RIT2: variants seen among roughly 807,000 people sequenced by gnomAD.
RIT2 encodes the protein Ras like without CAAX 2.
A neutral mutation model predicts 23.7 loss-of-function variants in RIT2; 24 were observed. That is an observed-to-expected ratio of 1.01 (90% CI 0.73 to 1.43). The LOEUF (loss-of-function observed/expected upper bound fraction) is 1.43, where lower values mean the gene tolerates loss of function less well. RIT2 is among the 40% of genes most tolerant of loss of function. The pLI is 0.00. For missense variants in RIT2, 236 were observed against 266.9 expected (o/e 0.88, Z 0.81); for synonymous variants, 107 against 91.1 (o/e 1.17, Z -0.99).
chr18:43,077,425 A>ATT (rs139527586), intron 1 of RIT2, among the ~76,000 whole-genome samples: 5 of 151,284 alleles, frequency 3.3e-5, no homozygotes, highest in East Asian at 3.9e-4. Context: ...TTTCTTGAAC[A>ATT]TTTTTTTTTG....
intron 4 of RIT2, among the ~76,000 whole-genome samples, chr18:42,778,660 C>A (rs1405634807): frequency 6.8e-6 from 1 of 147,948 alleles, no homozygotes; most frequent in Non-Finnish European, 1.5e-5. Context: ...ATTACCAGCT[C>A]TATTACCCAC....
intron 2 of RIT2, among the ~76,000 whole-genome samples, chr18:43,006,296 AGAAGAAGAAAGAAG>A (rs1911227083): frequency 6.6e-6 from 1 of 151,620 alleles, no homozygotes; most frequent in African/African-American, 2.4e-5. Context: ...ATAAGTAAGT[AGAAGAAGAAAGAAG>A]GAAGAAGAAG....
At chr18:43,080,907 T>C (rs1451095812) in intron 1 of RIT2, among the ~76,000 whole-genome samples, 1 of 152,164 alleles carries the variant, frequency 6.6e-6, no homozygotes, top group African/African-American at 2.4e-5. Context: ...ACTAGGACAC[T>C]TTTGAGGATG....
At chr18:43,051,559 T>C (rs372534066) in intron 1 of RIT2, among the ~76,000 whole-genome samples, 3 of 152,098 alleles carry the variant, frequency 2.0e-5, no homozygotes, top group Non-Finnish European at 4.4e-5. Flanking sequence ...ATTGGACATG[T>C]GTGTCTAGAG....
rs551988618 is a variant in RIT2, at chr18:42,991,625, G to A, written c.161-17478C>T. Among the ~76,000 whole-genome samples the A allele has an allele frequency of 5.6e-5, 8 of 144,074 alleles. No individual in the cohort carries two copies. The South Asian group carries it at 1.7e-3, about 31-fold the overall frequency. 94.5% of individuals were successfully genotyped at this position (144,074 alleles called of 152,430 possible). On this transcript the variant is annotated intron_variant, in intron 2 of 4. Transcript: ENST00000326695. ...AAAGAAATGAAAATGGCCTGTTCCTGCCTTAACTGATGACATTCCACCACG... is the reference window on the plus strand; with the variant it reads ...AAAGAAATGAAAATGGCCTGTTCCTACCTTAACTGATGACATTCCACCACG...
intron 4 of RIT2, among the ~76,000 whole-genome samples, chr18:42,892,411 T>C (rs1908205052): frequency 6.6e-6 from 1 of 152,196 alleles, no homozygotes; most frequent in Admixed American, 6.5e-5. Context: ...ATACAGATTC[T>C]TAAACTATGA....
At chr18:42,898,127 C>A (rs1324723283) in intron 4 of RIT2, among the ~76,000 whole-genome samples, 1 of 152,136 alleles carries the variant, frequency 6.6e-6, no homozygotes, top group Non-Finnish European at 1.5e-5. Context: ...GGCGGCCGGG[C>A]ACAATGGCTC....
At chr18:42,967,810 C>A (rs1452017906) in intron 3 of RIT2, among the ~76,000 whole-genome samples, 1 of 151,534 alleles carries the variant, frequency 6.6e-6, no homozygotes, top group East Asian at 1.9e-4. Context: ...TACCTAGCTG[C>A]TTGCCTTTAG....
At chr18:42,811,228 T>C (rs1905841456) in intron 4 of RIT2, among the ~76,000 whole-genome samples, 1 of 152,070 alleles carries the variant, frequency 6.6e-6, no homozygotes, top group Non-Finnish European at 1.5e-5. Flanking sequence ...TAAATGCTAT[T>C]CTTGATTCTT....
intron 4 of RIT2, among the ~76,000 whole-genome samples, chr18:42,796,520 T>G (rs1905367524): frequency 6.6e-6 from 1 of 152,202 alleles, no homozygotes; most frequent in Admixed American, 6.5e-5. Context: ...TTCTTGTGGG[T>G]CAACTCTCTT....
At chr18:42,979,713 T>C (rs1286477574) in intron 2 of RIT2, among the ~76,000 whole-genome samples, 2 of 152,154 alleles carry the variant, frequency 1.3e-5, no homozygotes, top group Non-Finnish European at 2.9e-5. Context: ...TATGTATCAA[T>C]ATATTGATCA....
chr18:43,092,119 G>A (rs1598780359), intron 1 of RIT2, among the ~76,000 whole-genome samples: 1 of 151,830 alleles, frequency 6.6e-6, no homozygotes, highest in Non-Finnish European at 1.5e-5. Flanking sequence ...CCAACATACC[G>A]GGACCTCTAC....
intron 3 of RIT2, among the ~76,000 whole-genome samples, chr18:42,943,856 A>G (rs1382578447): frequency 6.6e-6 from 1 of 152,076 alleles, no homozygotes; most frequent in African/African-American, 2.4e-5. Context: ...TTTTATTCCC[A>G]CACCTCACAT....
intron 3 of RIT2, among the ~76,000 whole-genome samples, chr18:42,942,112 A>T (rs1909617866): frequency 6.6e-6 from 1 of 152,144 alleles, no homozygotes; most frequent in Admixed American, 6.6e-5. Flanking sequence ...GTAAAAAAAA[A>T]AAACAGTGAA....
chr18:42,768,832 G>A (rs1598646332), intron 4 of RIT2, among the ~76,000 whole-genome samples: 1 of 151,796 alleles, frequency 6.6e-6, no homozygotes, highest in African/African-American at 2.4e-5. Flanking sequence ...ATTTATCACT[G>A]CTTGCCCTGA....
At chr18:43,083,359 C>T (rs181021353) in intron 1 of RIT2, among the ~76,000 whole-genome samples, 84 of 152,272 alleles carry the variant, frequency 5.5e-4, no homozygotes, top group African/African-American at 2.0e-3. Context: ...TGACTTTCTT[C>T]ACAGAATTAG....
At chr18:42,795,306 C>T (rs926137852) in intron 4 of RIT2, among the ~76,000 whole-genome samples, 2 of 152,300 alleles carry the variant, frequency 1.3e-5, no homozygotes, top group African/African-American at 4.8e-5. Flanking sequence ...GCTGGAGTTC[C>T]GGGTGGGCGT....
At chr18:42,907,847 G>A (rs116380736) in intron 4 of RIT2, among the ~76,000 whole-genome samples, 36 of 152,162 alleles carry the variant, frequency 2.4e-4, no homozygotes, top group African/African-American at 8.2e-4. Context: ...CAGGTGTGAT[G>A]GCATGTGCCT....
intron 2 of RIT2, among the ~76,000 whole-genome samples, chr18:43,007,264 G>A (rs943014783): frequency 3.3e-5 from 5 of 151,706 alleles, no homozygotes; most frequent in African/African-American, 1.2e-4. Context: ...ATATGAGGGA[G>A]AGGATGTCAT....
Sources: allele counts gnomAD v4.1 joint callset (sites outside exome capture counted in the v4.1 genomes callset), GRCh38; gene constraint gnomAD v4.1.1; transcripts MANE v1.5; gene names NCBI Gene and HGNC (gene_info 2026-07-23, HGNC 2026-07-21).